NT5DC1: variants seen among roughly 807,000 people sequenced by gnomAD.
NT5DC1 encodes the protein 5'-nucleotidase domain containing 1, also known as 5'-nucleotidase domain-containing protein 1.
Under a neutral mutation model 59.4 loss-of-function variants are expected in NT5DC1, and 42 were observed. The ratio of observed to expected loss-of-function variants is 0.71; its 90% CI spans 0.55 to 0.92. NT5DC1 has a LOEUF of 0.92. NT5DC1 is among the 40% of genes least tolerant of loss of function. NT5DC1 has a pLI of 0.00. For missense variants in NT5DC1, 501 were observed against 537.1 expected (o/e 0.93, Z 0.66); for synonymous variants, 172 against 188.1 (o/e 0.91, Z 0.70).
At chr6:116,165,364 C>T (rs946620596) in intron 6 of NT5DC1, among the ~76,000 whole-genome samples, 3 of 152,272 alleles carry the variant, frequency 2.0e-5, no homozygotes, top group Admixed American at 6.5e-5. Context: ...ATTTCTTCCA[C>T]ATGGATTTCT....
intron 6 of NT5DC1, among the ~76,000 whole-genome samples, chr6:116,201,676 A>G (rs1781349796): frequency 6.6e-6 from 1 of 151,930 alleles, no homozygotes; most frequent in Non-Finnish European, 1.5e-5. Flanking sequence ...TGAAGTCGGG[A>G]AGGTAATATG....
chr6:116,193,415 T>G (rs564918652), intron 6 of NT5DC1, among the ~76,000 whole-genome samples: 1 of 152,162 alleles, frequency 6.6e-6, no homozygotes, highest in South Asian at 2.1e-4. Context: ...GTTTGAAAAA[T>G]GAAAACTTGA....
intron 5 of NT5DC1, among the ~76,000 whole-genome samples, 174 bp downstream of exon 5, chr6:116,115,944 A>G (rs947694045): frequency 2.0e-5 from 3 of 152,166 alleles, no homozygotes; most frequent in African/African-American, 7.2e-5. Flanking sequence ...GGAAAATTAA[A>G]TAGCAGTGAC....
intron 6 of NT5DC1, among the ~76,000 whole-genome samples, chr6:116,182,038 G>A (rs531148902): frequency 7.2e-5 from 11 of 151,852 alleles, no homozygotes; most frequent in South Asian, 6.2e-4. Flanking sequence ...CCTTTCCTCC[G>A]CGTCCCCAAA....
chr6:116,201,933 A>T (rs1176337331), intron 6 of NT5DC1, among the ~76,000 whole-genome samples: 2 of 152,034 alleles, frequency 1.3e-5, no homozygotes, highest in Non-Finnish European at 2.9e-5. Context: ...CCTACAGCTG[A>T]TAATTTTAGG....
At chr6:116,142,179 T>C (rs551791841) in intron 6 of NT5DC1, among the ~76,000 whole-genome samples, 1 of 152,236 alleles carries the variant, frequency 6.6e-6, no homozygotes, top group East Asian at 1.9e-4. Flanking sequence ...ATTAGTATAG[T>C]TCACAGTTGT....
chr6:116,213,435 G>A (rs1200594087), intron 6 of NT5DC1, among the ~76,000 whole-genome samples: 1 of 152,050 alleles, frequency 6.6e-6, no homozygotes, highest in African/African-American at 2.4e-5. Context: ...GTAAGGAGTC[G>A]AAGCTGCCAG....
chr6:116,237,570 G>A, intron 9 of NT5DC1: 2 of 453,682 alleles, frequency 4.4e-6, no homozygotes, highest in Non-Finnish European at 8.9e-6. Flanking sequence ...GTTAATGGAT[G>A]GAGCAGTCTG....
intron 6 of NT5DC1, among the ~76,000 whole-genome samples, chr6:116,202,218 G>A (rs1453075731): frequency 6.6e-6 from 1 of 151,892 alleles, no homozygotes; most frequent in Non-Finnish European, 1.5e-5. Context: ...CCTTAGCTCT[G>A]GGCCTTCCTT....
chr6:116,215,680 G>T (rs1042563174), intron 6 of NT5DC1, among the ~76,000 whole-genome samples: 1 of 152,098 alleles, frequency 6.6e-6, no homozygotes, highest in African/African-American at 2.4e-5. Context: ...AGGAAACTAG[G>T]TTCTTTTAGA....
At chr6:116,214,524 A>G (rs777267174) in intron 6 of NT5DC1, among the ~76,000 whole-genome samples, 1 of 152,106 alleles carries the variant, frequency 6.6e-6, no homozygotes. Context: ...AGTAATTCTC[A>G]AAGTGTGGTT....
At position 116,151,428 on chromosome 6, in the gene NT5DC1, T is replaced by A. The variant is rs368586540; in HGVS notation, c.529+33483T>A. On this transcript the variant is annotated intron_variant, in intron 6 of 11. Coordinates refer to ENST00000319550, the MANE Select transcript of NT5DC1 (RefSeq NM_152729.3). The stretch of plus-strand genomic sequence containing the variant: ...TTTTTGGTTTATACCCTCTAAGTGA[T>A]TGTATAGTTAAAGGGCATTTATAGA... Among the ~76,000 whole-genome samples, 10 of 152,252 alleles carry A rather than the reference T, an allele frequency of 6.6e-5. No homozygotes were observed. In the East Asian group the frequency reaches 1.3e-3, roughly 20 times the overall value.
intron 6 of NT5DC1, among the ~76,000 whole-genome samples, chr6:116,127,894 C>G (rs1278437684): frequency 6.6e-6 from 1 of 152,150 alleles, no homozygotes; most frequent in African/African-American, 2.4e-5. Context: ...GCTATTGCAA[C>G]AATTTTCAGA....
At chr6:116,190,335 AAAGG>A (rs2114490473) in intron 6 of NT5DC1, among the ~76,000 whole-genome samples, 2 of 152,128 alleles carry the variant, frequency 1.3e-5, no homozygotes, top group South Asian at 4.1e-4. Flanking sequence ...CCATATGATA[AAAGG>A]AAGCAATTTT....
At chr6:116,184,404 C>T (rs1288019173) in intron 6 of NT5DC1, among the ~76,000 whole-genome samples, 4 of 152,040 alleles carry the variant, frequency 2.6e-5, no homozygotes, top group Non-Finnish European at 4.4e-5. Flanking sequence ...TAGGGTGATA[C>T]TGGCTTCATA....
At chr6:116,232,210 T>A (rs1782031367) in intron 8 of NT5DC1, among the ~76,000 whole-genome samples, 1 of 152,188 alleles carries the variant, frequency 6.6e-6, no homozygotes, top group Non-Finnish European at 1.5e-5. Flanking sequence ...ATCCAGCCTT[T>A]AAAGGCTCCA....
At chr6:116,175,199 G>A (rs958541755) in intron 6 of NT5DC1, among the ~76,000 whole-genome samples, 3 of 152,016 alleles carry the variant, frequency 2.0e-5, no homozygotes, top group African/African-American at 7.2e-5. Flanking sequence ...AGGATACAGA[G>A]CATTTCCAGG....
At chr6:116,159,965 G>A (rs1780289699) in intron 6 of NT5DC1, among the ~76,000 whole-genome samples, 1 of 152,092 alleles carries the variant, frequency 6.6e-6, no homozygotes, top group South Asian at 2.1e-4. Flanking sequence ...TTATGGCCGT[G>A]TAGTATTCCA....
intron 6 of NT5DC1, among the ~76,000 whole-genome samples, chr6:116,168,442 C>A (rs911187045): frequency 1.3e-5 from 2 of 151,782 alleles, no homozygotes; most frequent in Non-Finnish European, 2.9e-5. Flanking sequence ...CCATTTAGTT[C>A]TTTTTCTATT....
Sources: gnomAD v4.1 joint callset for allele counts (sites outside exome capture counted in the v4.1 genomes callset) on GRCh38, gnomAD v4.1.1 for gene constraint, MANE v1.5 for transcripts, NCBI Gene and HGNC (gene_info 2026-07-23, HGNC 2026-07-21) for gene names.